Variants in BAZ2A observed in about 807,000 individuals in gnomAD.
BAZ2A encodes bromodomain adjacent to zinc finger domain 2A, also known as bromodomain adjacent to zinc finger domain protein 2A.
A neutral mutation model predicts 199.9 loss-of-function variants in BAZ2A; 34 were observed. That is an observed-to-expected ratio of 0.17 (90% CI 0.13 to 0.23). BAZ2A has a LOEUF of 0.23. Ranked by LOEUF, BAZ2A falls within the 10% of genes least tolerant of loss-of-function variation. BAZ2A has a pLI of 1.00. For synonymous variants in BAZ2A, 857 were observed against 883.9 expected, an observed-to-expected ratio of 0.97 and a Z score of 0.54; for missense variants, 2,002 against 2,391.1, an observed-to-expected ratio of 0.84 and a Z score of 3.39.
At chr12:56,631,831 A>C (rs1395097824), upstream of BAZ2A, among the ~76,000 whole-genome samples, 1 of 152,160 alleles carries the variant, frequency 6.6e-6, no homozygotes, top group Non-Finnish European at 1.5e-5. Context: ...GAGATCCATC[A>C]GTCTACATTG....
upstream of BAZ2A, among the ~76,000 whole-genome samples, chr12:56,634,583 T>TC (rs967521753): frequency 6.6e-6 from 1 of 151,700 alleles, no homozygotes; most frequent in African/African-American, 2.4e-5. Context: ...GGGGTGGGTA[T>TC]CCCCCCTCCC....
chr12:56,625,496 C>A (rs1565836056), intron 1 of BAZ2A, among the ~76,000 whole-genome samples: 1 of 152,028 alleles, frequency 6.6e-6, no homozygotes, highest in Non-Finnish European at 1.5e-5. Flanking sequence ...CCCTTTCCAC[C>A]CCCAAATATG....
At position 56,598,946 on chromosome 12, in the gene BAZ2A, C is replaced by T. The variant is rs1886115487; in HGVS notation, c.5468G>A (p.Arg1823His). Residue 1823 changes from arginine (R) to histidine (H), a missense_variant, in exon 28 of 29, where the codon CGT becomes CAT. Arg to His is a conservative substitution (Grantham distance 29, BLOSUM62 0). Coordinates refer to ENST00000549884, the MANE Select transcript of BAZ2A (RefSeq NM_001300905.2). ...AWPFLEPVNP[R>H]LVSGYRRIIK... is the part of the protein sequence containing the mutation. The stretch of plus-strand genomic sequence containing the variant: ...GATGCGCCGGTACCCACTCACCAAA[C>T]GTGGGTTCACAGGCTCTAGGAAAGG... 5.0e-6 allele frequency: 8 copies of T among 1,609,150 alleles called. No homozygotes were observed. Among genetic ancestry groups the T allele is most frequent in the Non-Finnish European group, 6.8e-6 (8 of 1,177,802 alleles).
At chr12:56,609,573 C>A (rs1950495258) in intron 10 of BAZ2A, among the ~76,000 whole-genome samples, 163 bp downstream of exon 10, 1 of 152,270 alleles carries the variant, frequency 6.6e-6, no homozygotes, top group African/African-American at 2.4e-5. Flanking sequence ...TATTCCCAAG[C>A]GCTGGGACTA....
intron 4 of BAZ2A, 66 bp from the exon 5 acceptor site, chr12:56,613,299 A>T: frequency 6.7e-7 from 1 of 1,491,210 alleles, no homozygotes; most frequent in Non-Finnish European, 9.3e-7. Context: ...AAGATTTAAG[A>T]AACACTGGTC....
chr12:56,630,336 CCGGAGGGGG>C (rs1315002228), upstream of BAZ2A: 25 of 966,580 alleles, frequency 2.6e-5, no homozygotes, highest in East Asian at 2.3e-3. Context: ...TGAGTCGGAG[CCGGAGGGGG>C]CGGAGAAGCC....
chr12:56,618,237 A>T (rs1000752751), intron 1 of BAZ2A, among the ~76,000 whole-genome samples: 1 of 152,162 alleles, frequency 6.6e-6, no homozygotes, highest in African/African-American at 2.4e-5. Flanking sequence ...TATCCCAAAA[A>T]ATATTATTCT....
At chr12:56,626,355 T>C (rs1951096839) in intron 1 of BAZ2A, among the ~76,000 whole-genome samples, 1 of 152,234 alleles carries the variant, frequency 6.6e-6, no homozygotes, top group Non-Finnish European at 1.5e-5. Flanking sequence ...CTAACTTCTA[T>C]ACTGTTTCAG....
At chr12:56,607,392 C>G (rs1950397335) in intron 10 of BAZ2A, among the ~76,000 whole-genome samples, 1 of 152,102 alleles carries the variant, frequency 6.6e-6, no homozygotes. Flanking sequence ...TATTTTTTGA[C>G]ACGGAGTCTC....
chr12:56,618,479 G>T (rs1950795932), intron 1 of BAZ2A, among the ~76,000 whole-genome samples: 1 of 152,036 alleles, frequency 6.6e-6, no homozygotes, highest in Admixed American at 6.6e-5. Context: ...GCAAGCAGAA[G>T]CCAGAATTAT....
intron 13 of BAZ2A, 155 bp from the exon 14 acceptor site, chr12:56,605,482 C>T (rs1299084995): frequency 1.2e-6 from 1 of 836,468 alleles, no homozygotes; most frequent in East Asian, 2.8e-5. Flanking sequence ...AGTGCAGTGG[C>T]ATGATCTCTG....
rs994514214 is a variant in BAZ2A, at chr12:56,615,698, A to G, written c.137-91T>C. The G allele has an allele frequency of 4.9e-6, 5 of 1,028,804 alleles. No homozygotes were observed. The African/African-American group carries it at 8.1e-5, about 17-fold the overall frequency. The allele number at this position is 1,028,804 out of a possible 1,614,324, so 63.7% of individuals were successfully genotyped here. On this transcript the variant is annotated intron_variant, in intron 2 of 28. Coordinates refer to ENST00000549884, the MANE Select transcript of BAZ2A (RefSeq NM_001300905.2). ...TCAAAGTAATAGCACTGACTAGAAA[A>G]AGACATGGTAAAGGGAAGGGGGATT...
At chr12:56,637,820 G>A (rs1951481105), upstream of BAZ2A, among the ~76,000 whole-genome samples, 1 of 151,244 alleles carries the variant, frequency 6.6e-6, no homozygotes, top group African/African-American at 2.4e-5. Context: ...CAAAACTGAG[G>A]CCCTACTAAG....
chr12:56,604,152 C>T, intron 16 of BAZ2A, 65 bp downstream of exon 16: 1 of 1,472,578 alleles, frequency 6.8e-7, no homozygotes, highest in Non-Finnish European at 9.3e-7. Flanking sequence ...AGCCAAAACC[C>T]TGGCTATGCT....
rs1322379272 is a variant in BAZ2A, at chr12:56,615,111, G to C, written c.633C>G (p.Ile211Met). 1.9e-6 allele frequency: 3 copies of C among 1,613,916 alleles called. No homozygotes were observed. Among genetic ancestry groups the C allele is most frequent in the South Asian group, 1.1e-5 (1 of 91,046 alleles). The change falls in exon 3 of 29, where the codon ATC becomes ATG. Residue 211 changes from isoleucine to methionine, a missense_variant. By Grantham distance (10) the Ile-to-Met change is conservative. Around this residue, in one of 6 missense-constraint regions of BAZ2A, gnomAD observed 641 missense variants for 694.5 expected, o/e 0.92. Coordinates refer to ENST00000549884, the MANE Select transcript of BAZ2A (RefSeq NM_001300905.2). ...CCTTTTCTGCTGCCTCATCAGGATG[G>C]ATACCACTGCCTACCTCCTGGGAGG... is the stretch of plus-strand genomic sequence containing the variant. The part of the protein sequence containing the change: ...FAPSQEVGSG[I>M]HPDEAAEKEM...
In BAZ2A at chr12:56,602,817, T is replaced by G; in HGVS notation, c.3320A>C (p.Gln1107Pro). Residue 1107 changes from glutamine (Q) to proline (P), a missense_variant, in exon 19 of 29, where the codon CAG (glutamine) becomes CCG (proline). By Grantham distance (76) the Gln-to-Pro change is moderately conservative. Coordinates refer to ENST00000549884, the MANE Select transcript of BAZ2A (RefSeq NM_001300905.2). ...FFRKKLLHSS[Q>P]MLRAVSLGQD... Reference sequence around the variant, plus strand: ...ACCCAGGGAGACCGCCCGAAGCATCTGGGATGAGTGAAGCAGCTTTTTGCG... The same window carrying G: ...ACCCAGGGAGACCGCCCGAAGCATCGGGGATGAGTGAAGCAGCTTTTTGCG... The G allele has an allele frequency of 6.2e-7, 1 of 1,613,560 alleles. No homozygotes were observed. Among genetic ancestry groups the G allele is most frequent in the Non-Finnish European group, 8.5e-7 (1 of 1,179,578 alleles).
intron 10 of BAZ2A, among the ~76,000 whole-genome samples, chr12:56,609,316 GATT>G (rs2136960374): frequency 6.6e-6 from 1 of 152,194 alleles, no homozygotes; most frequent in East Asian, 1.9e-4. Flanking sequence ...GGGTAACTGG[GATT>G]ATTAAGCACA....
At chr12:56,620,079 T>C (rs909635348) in intron 1 of BAZ2A, among the ~76,000 whole-genome samples, 1 of 151,822 alleles carries the variant, frequency 6.6e-6, no homozygotes, top group African/African-American at 2.4e-5. Flanking sequence ...TAAATAGGGG[T>C]GTCCAATCTT....
chr12:56,636,241 C>G, exon 1 of BAZ2A: 1 of 1,574,222 alleles, frequency 6.4e-7, no homozygotes, highest in Non-Finnish European at 8.6e-7. Flanking sequence ...GTCCTTGGGC[C>G]TCCACTTCAC....
Sources: allele counts gnomAD v4.1 joint callset (sites outside exome capture counted in the v4.1 genomes callset), GRCh38; gene constraint gnomAD v4.1.1; regional missense constraint gnomAD v4.1.1; transcripts MANE v1.5; gene names NCBI Gene and HGNC (gene_info 2026-07-23, HGNC 2026-07-21).